The following TMEM68 variants were observed in gnomAD, a reference collection of about 807,000 sequenced individuals.
TMEM68 encodes the protein DGAT1/2-independent enzyme synthesizing storage lipids.
A neutral mutation model predicts 36.9 loss-of-function variants in TMEM68; 25 were observed. The observed-to-expected ratio is 0.68, with a 90% CI of 0.49 to 0.95. The LOEUF is 0.95. Among genes scored for constraint, TMEM68 ranks in the 40% least tolerant of loss-of-function variants. The probability of loss-of-function intolerance (pLI) is 0.00; values close to 1 mark genes in which losing one functional copy is unlikely to be tolerated. For missense variants in TMEM68, 333 were observed against 392.0 expected, an observed-to-expected ratio of 0.85 and a Z score of 1.27; for synonymous variants, 131 against 124.4, an observed-to-expected ratio of 1.05 and a Z score of -0.35.
Position 55,762,978 on chromosome 8 carries a change from G to T in TMEM68, c.-19C>A. On this transcript the variant is annotated 5_prime_UTR_variant, in exon 3 of 8. Coordinates refer to ENST00000434581, the MANE Select transcript of TMEM68 (RefSeq NM_001286657.2). ...CTATCATTTTTCTTCAGGTGAAAAT[G>T]ACAAATTCAGTTTCTTTCTTCATTG... 1.9e-6 allele frequency: 3 copies of T among 1,560,810 alleles called. No individual in the cohort carries two copies. In the South Asian group the frequency reaches 3.6e-5, roughly 19 times the overall value.
chr8:55,744,615 A>C (rs1435736627), intron 6 of TMEM68, among the ~76,000 whole-genome samples: 1 of 152,112 alleles, frequency 6.6e-6, no homozygotes, highest in Non-Finnish European at 1.5e-5. Flanking sequence ...CCGCTACAAA[A>C]TATTTTTAAA....
chr8:55,773,033 G>A (rs1364863293), intron 1 of TMEM68: 1 of 152,438 alleles, frequency 6.6e-6, no homozygotes, highest in African/African-American at 2.4e-5. Flanking sequence ...CTTTGACCCA[G>A]AGGAGGGAGG....
chr8:55,740,959 C>T (rs912055213), intron 7 of TMEM68, among the ~76,000 whole-genome samples: 5 of 151,880 alleles, frequency 3.3e-5, no homozygotes, highest in Non-Finnish European at 7.4e-5. Context: ...TTTGGCTGGG[C>T]GTGGTGGCTC....
chr8:55,761,454 GTTCT>G (rs1031964571), intron 3 of TMEM68: 9 of 152,126 alleles, frequency 5.9e-5, no homozygotes, highest in African/African-American at 2.2e-4. Flanking sequence ...CAGTCCCCAA[GTTCT>G]GTTTATTTTA....
Position 55,745,095 on chromosome 8 carries a change from A to C in TMEM68, c.714T>G (p.Asn238Lys). The change falls in exon 6 of 8, where the codon AAT becomes AAG. Residue 238 changes from asparagine (N) to lysine (K), a missense_variant. Coordinates refer to ENST00000434581, the MANE Select transcript of TMEM68 (RefSeq NM_001286657.2). ...KVPIIPMFTQ[N>K]IREGFRSLGG... The stretch of plus-strand genomic sequence containing the variant: ...CAAGTGATCTAAATCCTTCTCGAAT[A>C]TTTTGTGTAAACATAGGAATAATGG... 6.7e-7 allele frequency: 1 copy of C among 1,497,686 alleles called. No individual in the cohort carries two copies. Among genetic ancestry groups the C allele is most frequent in the South Asian group, 1.3e-5 (1 of 77,172 alleles). The allele number at this position is 1,497,686 out of a possible 1,614,324, so 92.8% of individuals were successfully genotyped here.
At chr8:55,769,033 A>T (rs1323742445) in intron 1 of TMEM68, among the ~76,000 whole-genome samples, 1 of 147,748 alleles carries the variant, frequency 6.8e-6, no homozygotes, top group East Asian at 2.0e-4. Flanking sequence ...AAAAAAAAAA[A>T]AAAAAAAAGG....
intron 7 of TMEM68, among the ~76,000 whole-genome samples, chr8:55,743,252 C>G (rs1810159196): frequency 6.6e-6 from 1 of 152,204 alleles, no homozygotes; most frequent in South Asian, 2.1e-4. Flanking sequence ...ATCACTGGCC[C>G]CCACCCACTA....
rs777914244 is a variant in TMEM68, at chr8:55,750,933, T to G, written c.687+31A>C. 6 of 1,582,816 alleles carry G rather than the reference T, an allele frequency of 3.8e-6. No individual in the cohort carries two copies. The African/African-American group carries it at 5.5e-5, about 15-fold the overall frequency. ...CATTTATTTTAAATTTGACTAAGCT[T>G]TACTTCAATAATTAATTTTATATAA... On this transcript the variant is annotated intron_variant, in intron 5 of 7. Coordinates refer to ENST00000434581, the MANE Select transcript of TMEM68 (RefSeq NM_001286657.2).
chr8:55,757,784 G>A (rs546970834), intron 3 of TMEM68, among the ~76,000 whole-genome samples: 2 of 152,108 alleles, frequency 1.3e-5, no homozygotes, highest in Non-Finnish European at 2.9e-5. Flanking sequence ...GAAAGTCTAA[G>A]GGGCCCAGAG....
At chr8:55,754,462 TATATAC>T (rs1221504048) in intron 4 of TMEM68, among the ~76,000 whole-genome samples, 58 of 114,430 alleles carry the variant, frequency 5.1e-4, no homozygotes, top group African/African-American at 1.7e-3. Context: ...TATATATATA[TATATAC>T]ACACACACAC....
At chr8:55,751,489 T>C (rs2129948975) in intron 4 of TMEM68, 1 of 441,780 alleles carries the variant, frequency 2.3e-6, no homozygotes, top group East Asian at 7.0e-5. Context: ...GATAGGATTC[T>C]AATGGGATTC....
At chr8:55,759,199 T>A (rs893038746) in intron 3 of TMEM68, among the ~76,000 whole-genome samples, 6 of 148,530 alleles carry the variant, frequency 4.0e-5, no homozygotes, top group African/African-American at 1.5e-4. Context: ...GCAGGAGGAT[T>A]GCTTGAGGCT....
At chr8:55,760,125 C>T (rs566450685) in intron 3 of TMEM68, among the ~76,000 whole-genome samples, 47 of 152,346 alleles carry the variant, frequency 3.1e-4, no homozygotes, top group African/African-American at 1.1e-3. Flanking sequence ...TATATGGCTA[C>T]CAAGGCCAAC....
chr8:55,760,598 T>C (rs950786116), intron 3 of TMEM68, among the ~76,000 whole-genome samples: 2 of 152,240 alleles, frequency 1.3e-5, no homozygotes, highest in African/African-American at 4.8e-5. Context: ...TTTCCTTAAG[T>C]GTATTCCTGT....
At chr8:55,760,395 C>G (rs993243970) in intron 3 of TMEM68, among the ~76,000 whole-genome samples, 1 of 152,174 alleles carries the variant, frequency 6.6e-6, no homozygotes, top group African/African-American at 2.4e-5. Flanking sequence ...ATCCAGAGAT[C>G]AAGGGCAGAA....
Position 55,752,320 on chromosome 8 carries a change from G to A in TMEM68, c.494-1163C>T, listed in dbSNP as rs111867594. On this transcript the variant is annotated intron_variant, in intron 4 of 7. Transcript: ENST00000434581. ...AATAATTGTCAGACCGGGTGTGGTG[G>A]TTCACACCTGTAATCCCAGCACTTT... is the stretch of plus-strand genomic sequence containing the variant. Among the ~76,000 whole-genome samples, 890 of 152,174 alleles carry A rather than the reference G, an allele frequency of 5.8e-3. 4 individuals are homozygous for A. Among genetic ancestry groups the A allele is most frequent in the African/African-American group, 0.02 (835 of 41,498 alleles).
At chr8:55,755,333 G>A (rs957918401) in intron 4 of TMEM68, among the ~76,000 whole-genome samples, 1 of 150,372 alleles carries the variant, frequency 6.7e-6, no homozygotes, top group East Asian at 2.0e-4. Flanking sequence ...GTGGCATGAT[G>A]TCAGCTCACT....
At chr8:55,755,783 T>A (rs1212628350) in intron 4 of TMEM68, among the ~76,000 whole-genome samples, 3 of 151,786 alleles carry the variant, frequency 2.0e-5, no homozygotes, top group African/African-American at 7.3e-5. Flanking sequence ...CAGTTCAAGA[T>A]ACAACTTAAA....
At chr8:55,744,173 C>T (rs1810192600) in intron 6 of TMEM68, among the ~76,000 whole-genome samples, 1 of 149,372 alleles carries the variant, frequency 6.7e-6, no homozygotes, top group South Asian at 2.1e-4. Context: ...TAGGTAAAGA[C>T]AAAATAATAT....
Sources: allele counts gnomAD v4.1 joint callset (sites outside exome capture counted in the v4.1 genomes callset), GRCh38; gene constraint gnomAD v4.1.1; transcripts MANE v1.5; gene names NCBI Gene and HGNC (gene_info 2026-07-23, HGNC 2026-07-21).